FSTL4: variants seen among roughly 807,000 people sequenced by gnomAD.
FSTL4 encodes follistatin like 4, also known as follistatin-related protein 4.
Under a neutral mutation model 78.2 loss-of-function variants are expected in FSTL4, and 28 were observed. The ratio of observed to expected loss-of-function variants is 0.36; its 90% confidence interval spans 0.27 to 0.49. The LOEUF (loss-of-function observed/expected upper bound fraction) is 0.49. Among genes scored for constraint, FSTL4 ranks in the 20% least tolerant of loss-of-function variants. FSTL4 has a pLI of 0.98. For synonymous variants in FSTL4, 422 were observed against 440.5 expected (o/e 0.96, Z 0.53); for missense variants, 922 against 1,084.9 (o/e 0.85, Z 2.11).
the FSTL4 span, among the ~76,000 whole-genome samples, chr5:133,684,050 C>T: frequency 3.2e-4 from 48 of 152,290 alleles, no homozygotes; most frequent in Non-Finnish European, 5.9e-4. Context: ...TGGACCATAC[C>T]AAAAAGGCAT....
chr5:133,622,031 C>A, the FSTL4 span, among the ~76,000 whole-genome samples: 1 of 152,028 alleles, frequency 6.6e-6, no homozygotes, highest in Non-Finnish European at 1.5e-5. Context: ...TTATGCCCAT[C>A]CCACCTCCCT....
intron 2 of FSTL4, among the ~76,000 whole-genome samples, chr5:133,598,729 G>A (rs375473103): frequency 0.036 from 5,492 of 152,236 alleles, 328 homozygotes; most frequent in African/African-American, 0.12. Flanking sequence ...AGGGTCCACG[G>A]CCCTGGGGAG....
the FSTL4 span, among the ~76,000 whole-genome samples, chr5:133,720,102 A>G: frequency 6.6e-6 from 1 of 152,216 alleles, no homozygotes. Flanking sequence ...GCAGCAAGAA[A>G]TATCATCTGT....
chr5:133,625,659 G>C, the FSTL4 span, among the ~76,000 whole-genome samples: 1 of 140,946 alleles, frequency 7.1e-6, no homozygotes, highest in Non-Finnish European at 1.5e-5. Context: ...TGCTTGCTTT[G>C]GGTCTATTTT....
the FSTL4 span, among the ~76,000 whole-genome samples, chr5:133,819,955 A>G: frequency 6.6e-6 from 1 of 152,074 alleles, no homozygotes; most frequent in Non-Finnish European, 1.5e-5. Context: ...TTTTCACATG[A>G]GGAGGTGGCC....
chr5:133,694,706 G>A, the FSTL4 span, among the ~76,000 whole-genome samples: 1 of 152,214 alleles, frequency 6.6e-6, no homozygotes, highest in Non-Finnish European at 1.5e-5. Flanking sequence ...CACAGACTGG[G>A]TGGCTTAAAC....
chr5:133,491,034 T>G (rs891840868), intron 3 of FSTL4, among the ~76,000 whole-genome samples: 1 of 152,176 alleles, frequency 6.6e-6, no homozygotes, highest in Non-Finnish European at 1.5e-5. Flanking sequence ...CAAAATTATC[T>G]GTACACCAAA....
At chr5:133,696,111 T>C in the FSTL4 span, among the ~76,000 whole-genome samples, 1 of 152,238 alleles carries the variant, frequency 6.6e-6, no homozygotes, top group African/African-American at 2.4e-5. Flanking sequence ...CTAAAGAAGT[T>C]GCAGAGTAGC....
At chr5:133,422,940 C>A (rs762854497) in intron 3 of FSTL4, among the ~76,000 whole-genome samples, 1 of 152,224 alleles carries the variant, frequency 6.6e-6, no homozygotes, top group Non-Finnish European at 1.5e-5. Flanking sequence ...AACACCCAAG[C>A]CCCTCTGGGC....
At chr5:133,682,581 G>T in the FSTL4 span, among the ~76,000 whole-genome samples, 1 of 152,240 alleles carries the variant, frequency 6.6e-6, no homozygotes, top group Admixed American at 6.5e-5. Context: ...GCAAGGGGCT[G>T]CCCTGGAGAC....
At chr5:133,639,699 G>A in the FSTL4 span, among the ~76,000 whole-genome samples, 2 of 152,174 alleles carry the variant, frequency 1.3e-5, no homozygotes, top group African/African-American at 4.8e-5. Context: ...GGAAACTTGG[G>A]GGGAATGCTT....
the FSTL4 span, among the ~76,000 whole-genome samples, chr5:133,676,099 G>C: frequency 6.6e-6 from 1 of 152,220 alleles, no homozygotes; most frequent in Non-Finnish European, 1.5e-5. Context: ...TGGAGTAGAG[G>C]ATTTAAGAGG....
intron 3 of FSTL4, among the ~76,000 whole-genome samples, chr5:133,514,283 C>G (rs1758808809): frequency 6.6e-6 from 1 of 151,106 alleles, no homozygotes; most frequent in Non-Finnish European, 1.5e-5. Context: ...GATGAAGAAA[C>G]AAGAGGGTGA....
chr5:133,412,709 G>C (rs965987081), intron 3 of FSTL4, among the ~76,000 whole-genome samples: 2 of 152,074 alleles, frequency 1.3e-5, no homozygotes, highest in Admixed American at 6.6e-5. Context: ...TTGCCACACA[G>C]AGACCGTCAT....
At chr5:133,215,178 A>C (rs966652469) in intron 13 of FSTL4, among the ~76,000 whole-genome samples, 14 of 152,250 alleles carry the variant, frequency 9.2e-5, no homozygotes, top group South Asian at 8.3e-4. Context: ...CTTCAAGAAT[A>C]TCTCTCTTTA....
chr5:133,491,446 C>G (rs962337927), intron 3 of FSTL4, among the ~76,000 whole-genome samples: 13 of 150,628 alleles, frequency 8.6e-5, no homozygotes, highest in African/African-American at 3.2e-4. Flanking sequence ...GCTGCCCAGG[C>G]TGGAGTGCAG....
At chr5:133,726,429 G>C in the FSTL4 span, among the ~76,000 whole-genome samples, 3 of 152,204 alleles carry the variant, frequency 2.0e-5, no homozygotes, top group African/African-American at 7.2e-5. Flanking sequence ...AGGAAGGGCA[G>C]CTTCCCCATC....
the FSTL4 span, among the ~76,000 whole-genome samples, chr5:133,661,917 G>A: frequency 0.41 from 62,758 of 152,024 alleles, 13,187 homozygotes; most frequent in South Asian, 0.48. Context: ...GTCACTCATC[G>A]TGTATTCAAC....
chr5:133,441,052 G>C (rs558115434), intron 3 of FSTL4, among the ~76,000 whole-genome samples: 178 of 152,302 alleles, frequency 1.2e-3, no homozygotes, highest in Non-Finnish European at 1.7e-3. Flanking sequence ...AGTAGGAATT[G>C]AATGCAAATA....
Sources: gnomAD v4.1 joint callset for allele counts (sites outside exome capture counted in the v4.1 genomes callset) on GRCh38, gnomAD v4.1.1 for gene constraint, MANE v1.5 for transcripts, NCBI Gene and HGNC (gene_info 2026-07-23, HGNC 2026-07-21) for gene names.